The following IFT74 variants were observed in gnomAD, a reference collection of about 807,000 sequenced individuals.
The protein encoded by IFT74 is intraflagellar transport protein 74 homolog.
Under a neutral mutation model 96.7 loss-of-function variants are expected in IFT74, and 92 were observed. That is an observed-to-expected ratio of 0.95 (90% CI 0.80 to 1.13). The LOEUF (loss-of-function observed/expected upper bound fraction) is 1.13. Ranked by LOEUF, IFT74 falls within the 50% of genes most tolerant of loss-of-function variation. IFT74 has a pLI of 0.00. For synonymous variants in IFT74, 223 were observed against 213.2 expected (o/e 1.05, Z -0.40); for missense variants, 811 against 698.2 (o/e 1.16, Z -1.82).
chr9:27,046,335 A>C (rs2046247629), intron 14 of IFT74, among the ~76,000 whole-genome samples: 1 of 152,190 alleles, frequency 6.6e-6, no homozygotes, highest in Non-Finnish European at 1.5e-5. Flanking sequence ...TTTTACTTTA[A>C]AAAATATGCT....
At chr9:26,994,093 G>T (rs113108867) in intron 8 of IFT74, 1 of 152,276 alleles carries the variant, frequency 6.6e-6, no homozygotes, top group South Asian at 2.1e-4. Context: ...TCCAAACTAC[G>T]TTCTTTGGAA....
At chr9:26,981,916 C>T (rs1029464891) in intron 4 of IFT74, among the ~76,000 whole-genome samples, 3 of 151,472 alleles carry the variant, frequency 2.0e-5, no homozygotes, top group South Asian at 2.1e-4. Flanking sequence ...TGCAGGTATG[C>T]GCCACCATGC....
intron 13 of IFT74, among the ~76,000 whole-genome samples, chr9:27,036,018 T>G (rs1353442194): frequency 6.6e-6 from 1 of 152,226 alleles, no homozygotes; most frequent in African/African-American, 2.4e-5. Flanking sequence ...CATAAACAGT[T>G]AACACTATTT....
intron 1 of IFT74, among the ~76,000 whole-genome samples, chr9:26,949,813 C>G (rs1008162586): frequency 1.3e-5 from 2 of 152,146 alleles, no homozygotes; most frequent in Non-Finnish European, 2.9e-5. Flanking sequence ...GAACTATCTT[C>G]GTGAACCTGA....
At chr9:27,060,559 T>C in intron 18 of IFT74, 32 bp from the exon 19 acceptor site, 1 of 1,441,496 alleles carries the variant, frequency 6.9e-7, no homozygotes, top group African/African-American at 1.4e-5. Context: ...TAAATATGGG[T>C]CCTAATTAAT....
At chr9:26,994,557 GAAAA>G (rs1828046877) in intron 8 of IFT74, 1 of 142,318 alleles carries the variant, frequency 7.0e-6, no homozygotes. Flanking sequence ...AAAAAAAAAA[GAAAA>G]AGAATCTTGT....
At chr9:27,042,958 A>G (rs567947394) in intron 13 of IFT74, among the ~76,000 whole-genome samples, 4 of 152,322 alleles carry the variant, frequency 2.6e-5, no homozygotes, top group Middle Eastern at 3.4e-3. Flanking sequence ...ATGTGTGTAT[A>G]TATATAAACA....
upstream of IFT74, among the ~76,000 whole-genome samples, chr9:26,953,232 T>A (rs1331787490): frequency 6.6e-6 from 1 of 152,180 alleles, no homozygotes; most frequent in African/African-American, 2.4e-5. Context: ...AATAATATTT[T>A]TATACTAGCT....
At chr9:27,036,095 A>T (rs1480590341) in intron 13 of IFT74, among the ~76,000 whole-genome samples, 2 of 152,260 alleles carry the variant, frequency 1.3e-5, no homozygotes, top group Non-Finnish European at 1.5e-5. Flanking sequence ...TATTAAGAGA[A>T]CTATAAAGAT....
chr9:27,015,158 C>T (rs892621126), intron 10 of IFT74, among the ~76,000 whole-genome samples: 1 of 152,112 alleles, frequency 6.6e-6, no homozygotes, highest in African/African-American at 2.4e-5. Flanking sequence ...GGAGACGATA[C>T]TATGAAAAAG....
intron 8 of IFT74, chr9:26,997,595 T>C (rs1828232834): frequency 1.1e-6 from 1 of 932,806 alleles, no homozygotes; most frequent in African/African-American, 1.7e-5. Flanking sequence ...TGGCCTCCCA[T>C]AGTGATGGGA....
At chr9:26,984,589 G>T (rs1159765090) in intron 6 of IFT74, 30 bp downstream of exon 6, 2 of 1,539,266 alleles carry the variant, frequency 1.3e-6, no homozygotes, top group African/African-American at 2.7e-5. Context: ...AGAATTTACT[G>T]TTAATATTTT....
At chr9:27,058,464 C>A (rs567500850) in intron 18 of IFT74, among the ~76,000 whole-genome samples, 1 of 152,136 alleles carries the variant, frequency 6.6e-6, no homozygotes, top group South Asian at 2.1e-4. Flanking sequence ...TGGCTTACTG[C>A]AACCTCCACC....
intron 16 of IFT74, among the ~76,000 whole-genome samples, chr9:27,050,966 T>C (rs552943544): frequency 1.3e-5 from 2 of 152,260 alleles, no homozygotes; most frequent in East Asian, 1.9e-4. Flanking sequence ...TAAAAAGATA[T>C]TGGCAGCAAA....
At chr9:27,049,497 A>T (rs1373888363) in intron 16 of IFT74, among the ~76,000 whole-genome samples, 1 of 152,200 alleles carries the variant, frequency 6.6e-6, no homozygotes, top group Non-Finnish European at 1.5e-5. Flanking sequence ...TGTGGGTAGA[A>T]GGTGGTGCAT....
intron 8 of IFT74, chr9:26,994,137 C>A (rs1364496662): frequency 6.6e-6 from 1 of 152,146 alleles, no homozygotes; most frequent in Non-Finnish European, 1.5e-5. Flanking sequence ...GTAGATGTAA[C>A]TGAAAGAATG....
At chr9:27,008,621 A>C (rs1441587802) in intron 8 of IFT74, among the ~76,000 whole-genome samples, 1 of 152,108 alleles carries the variant, frequency 6.6e-6, no homozygotes, top group East Asian at 1.9e-4. Context: ...CAGCCTTCCA[A>C]AGTGCTGGGA....
At chr9:27,038,016 A>T (rs561075859) in intron 13 of IFT74, among the ~76,000 whole-genome samples, 1 of 152,238 alleles carries the variant, frequency 6.6e-6, no homozygotes, top group African/African-American at 2.4e-5. Flanking sequence ...CAAGTGCATT[A>T]AATGACTTAC....
intron 8 of IFT74, chr9:26,994,659 T>C (rs1169486917): frequency 6.6e-6 from 1 of 152,584 alleles, no homozygotes; most frequent in East Asian, 1.9e-4. Context: ...AATGTCTCTC[T>C]GGAAATTAGT....
Sources: gnomAD v4.1 joint callset for allele counts (sites outside exome capture counted in the v4.1 genomes callset) on GRCh38, gnomAD v4.1.1 for gene constraint, MANE v1.5 for transcripts, NCBI Gene and HGNC (gene_info 2026-07-23, HGNC 2026-07-21) for gene names.